EZR: variants seen among roughly 807,000 people sequenced by gnomAD.
EZR encodes the protein cytovillin 2.
A neutral mutation model predicts 74.8 loss-of-function variants in EZR; 40 were observed. The ratio of observed to expected loss-of-function variants is 0.53; its 90% CI spans 0.42 to 0.70. The LOEUF (loss-of-function observed/expected upper bound fraction) is 0.70, where lower values mean the gene tolerates loss of function less well. Ranked by LOEUF, EZR falls within the 30% of genes least tolerant of loss-of-function variation. The probability of loss-of-function intolerance (pLI) is 0.00; values close to 1 mark genes in which losing one functional copy is unlikely to be tolerated. For missense variants in EZR, 678 were observed against 755.8 expected, an observed-to-expected ratio of 0.90 and a Z score of 1.21; for synonymous variants, 341 against 283.3, an observed-to-expected ratio of 1.20 and a Z score of -2.05.
intron 7 of EZR, among the ~76,000 whole-genome samples, chr6:158,781,904 C>T (rs866997438): frequency 2.6e-5 from 4 of 152,250 alleles, no homozygotes; most frequent in Middle Eastern, 3.4e-3. Flanking sequence ...AGACCACAGG[C>T]GTGCACCACC....
chr6:158,765,935 A>G lies in EZR; in HGVS notation c.*979T>C, dbSNP rs1790761871. The G allele has an allele frequency of 1.3e-5, 2 of 150,056 alleles. No homozygotes were observed. Among genetic ancestry groups the G allele is most frequent in the Admixed American group, 1.3e-4 (2 of 15,160 alleles). The allele number at this position is 150,056 out of a possible 1,614,324, so 9.3% of individuals were successfully genotyped here. A position where few individuals can be genotyped will look rare whatever the true frequency, so the allele number is the denominator to read the frequency against. On this transcript the variant is annotated 3_prime_UTR_variant, in exon 14 of 14. Coordinates refer to ENST00000367075, the MANE Select transcript of EZR (RefSeq NM_001111077.2). The stretch of plus-strand genomic sequence containing the variant: ...AGACTGCAAACAAACAAACACAAGC[A>G]AACAGAGTCTCTTCACAGCTGGAGT...
At chr6:158,803,572 T>TACACACAC (rs1484147378) in intron 2 of EZR, among the ~76,000 whole-genome samples, 2 of 8,740 alleles carry the variant, frequency 2.3e-4, no homozygotes, top group African/African-American at 4.7e-4. Flanking sequence ...TATATATATA[T>TACACACAC]ATATATATAC....
intron 1 of EZR, among the ~76,000 whole-genome samples, chr6:158,818,939 G>T (rs908677155): frequency 6.6e-6 from 1 of 152,104 alleles, no homozygotes; most frequent in African/African-American, 2.4e-5. Flanking sequence ...CAGGAAGCCC[G>T]TGAGAAGCCG....
chr6:158,769,698 A>C (rs550726406), intron 11 of EZR, 86 bp downstream of exon 11: 4 of 1,538,004 alleles, frequency 2.6e-6, no homozygotes, highest in Non-Finnish European at 3.6e-6. Context: ...CAGTCATGAC[A>C]ATTATTACAA....
chr6:158,785,339 T>G lies in EZR; in HGVS notation c.437A>C (p.Tyr146Ser). The change falls in exon 5 of 14, where the codon TAC becomes TCC. Residue 146 changes from tyrosine to serine, a missense_variant. Around this residue, in one of 3 missense-constraint regions of EZR, gnomAD observed 217 missense variants for 232.2 expected, o/e 0.93. Coordinates refer to ENST00000367075, the MANE Select transcript of EZR (RefSeq NM_001111077.2). ...DYNKEVHKSG[Y>S]LSSERLIPQR... Reference sequence around the variant, plus strand: ...AGGGATCAGCCGCTCAGAGCTGAGGTACCCAGACTTGTGCACTTCTTTGTT... The same window carrying G: ...AGGGATCAGCCGCTCAGAGCTGAGGGACCCAGACTTGTGCACTTCTTTGTT... 1 of 1,614,160 alleles carries G rather than the reference T, an allele frequency of 6.2e-7. No individual in the cohort carries two copies.
chr6:158,783,694 G>A (rs1041323880), intron 6 of EZR, 28 bp from the exon 7 acceptor site: 12 of 1,608,316 alleles, frequency 7.5e-6, no homozygotes, highest in Non-Finnish European at 1.0e-5. Context: ...AACAGGCAGA[G>A]TCACTGGTAG....
At chr6:158,791,037 A>C (rs1334189500) in intron 2 of EZR, among the ~76,000 whole-genome samples, 1 of 152,178 alleles carries the variant, frequency 6.6e-6, no homozygotes, top group Non-Finnish European at 1.5e-5. Context: ...AATATTAAGC[A>C]CTCACCAAAT....
chr6:158,802,889 C>A (rs1470337534), intron 2 of EZR, among the ~76,000 whole-genome samples: 5 of 152,138 alleles, frequency 3.3e-5, no homozygotes, highest in Non-Finnish European at 7.4e-5. Flanking sequence ...ATACAGCATC[C>A]AGCCCATGTC....
At chr6:158,803,208 G>C (rs1399039808) in intron 2 of EZR, among the ~76,000 whole-genome samples, 1 of 151,698 alleles carries the variant, frequency 6.6e-6, no homozygotes, top group African/African-American at 2.4e-5. Context: ...GACTTTTCAC[G>C]TATCTACATG....
At position 158,773,150 on chromosome 6, in the gene EZR, A is replaced by AT. The variant is rs374857533; in HGVS notation, c.796-1744_796-1743insA. 2.0e-5 allele frequency among the ~76,000 whole-genome samples: 3 copies of AT among 152,328 alleles called. No individual in the cohort carries two copies. The East Asian group carries it at 5.8e-4, about 29-fold the overall frequency. On this transcript the variant is annotated intron_variant, in intron 8 of 13. Transcript: ENST00000367075. ...TCTACCAAATAGGCCCTGACTCAGA[A>AT]AACGCTGATTAGCACCAACTCCCCT...
At chr6:158,780,834 G>A (rs1175653485) in intron 7 of EZR, among the ~76,000 whole-genome samples, 1 of 152,150 alleles carries the variant, frequency 6.6e-6, no homozygotes, top group Non-Finnish European at 1.5e-5. Context: ...CCTGTCAGGA[G>A]GGCGCTTACC....
intron 2 of EZR, among the ~76,000 whole-genome samples, chr6:158,804,692 C>A (rs1427529076): frequency 2.6e-5 from 4 of 152,096 alleles, no homozygotes; most frequent in Admixed American, 6.5e-5. Flanking sequence ...TTAAACATCA[C>A]TATTCACCTG....
chr6:158,806,262 C>A (rs1290616958), intron 2 of EZR, among the ~76,000 whole-genome samples: 1 of 152,190 alleles, frequency 6.6e-6, no homozygotes, highest in African/African-American at 2.4e-5. Flanking sequence ...GACCTGCCCT[C>A]GCCCTGAGAT....
rs753956634 is a variant in EZR, at chr6:158,770,841, T to A, written c.1013A>T (p.Glu338Val). ...CTCCTCCTTCTCGCGCATCATCTGC[T>A]CTTTCTCTCTCTCCACGGTTTCTCT... ...KRRETVEREK[E>V]QMMREKEELM... Residue 338 changes from glutamate to valine, a missense_variant, in exon 10 of 14, where the codon GAG (glutamate) becomes GTG (valine). Coordinates refer to ENST00000367075, the MANE Select transcript of EZR (RefSeq NM_001111077.2). 1.2e-6 allele frequency: 2 copies of A among 1,614,108 alleles called. No individual in the cohort carries two copies. Among genetic ancestry groups the A allele is most frequent in the African/African-American group, 2.7e-5 (2 of 74,940 alleles).
chr6:158,769,521 C>G (rs919000481), intron 11 of EZR, 103 bp from the exon 12 acceptor site: 1 of 1,200,962 alleles, frequency 8.3e-7, no homozygotes, highest in South Asian at 1.3e-5. Flanking sequence ...TCCAACGTGA[C>G]ACCTGAGTCC....
At chr6:158,783,179 C>T (rs1458793817) in intron 7 of EZR, among the ~76,000 whole-genome samples, 1 of 151,810 alleles carries the variant, frequency 6.6e-6, no homozygotes, top group Non-Finnish European at 1.5e-5. Flanking sequence ...GGCTGGGCTG[C>T]CTGCGAAGTA....
intron 2 of EZR, among the ~76,000 whole-genome samples, chr6:158,805,439 TGA>T (rs778769935): frequency 6.6e-6 from 1 of 152,106 alleles, no homozygotes; most frequent in Non-Finnish European, 1.5e-5. Flanking sequence ...GTGCCATTGC[TGA>T]GATAAATTTT....
intron 12 of EZR, 53 bp from the exon 13 acceptor site, chr6:158,767,565 T>C: frequency 6.6e-7 from 1 of 1,524,752 alleles, no homozygotes; most frequent in Non-Finnish European, 8.8e-7. Flanking sequence ...CCTATCCTCC[T>C]GGCTATGAGA....
intron 8 of EZR, among the ~76,000 whole-genome samples, chr6:158,775,670 T>C (rs1235711046): frequency 6.6e-6 from 1 of 152,240 alleles, no homozygotes. Flanking sequence ...GGTGGCAATT[T>C]TTTAGAGAAC....
Sources: allele counts gnomAD v4.1 joint callset (sites outside exome capture counted in the v4.1 genomes callset), GRCh38; gene constraint gnomAD v4.1.1; regional missense constraint gnomAD v4.1.1; transcripts MANE v1.5; gene names NCBI Gene and HGNC (gene_info 2026-07-23, HGNC 2026-07-21).